The following BCAS3 variants were observed in gnomAD, a reference collection of about 807,000 sequenced individuals.
The protein encoded by BCAS3 is BCAS4/BCAS3 fusion.
A neutral mutation model predicts 116.1 loss-of-function variants in BCAS3; 53 were observed. The ratio of observed to expected loss-of-function variants is 0.46; its 90% CI spans 0.37 to 0.57. BCAS3 has a LOEUF of 0.57. BCAS3 is among the 20% of genes least tolerant of loss of function. The probability of loss-of-function intolerance (pLI) is 0.00; values close to 1 mark genes in which losing one functional copy is unlikely to be tolerated. For missense variants in BCAS3, 917 were observed against 1,165.4 expected (o/e 0.79, Z 3.10); for synonymous variants, 391 against 408.2 (o/e 0.96, Z 0.51).
chr17:60,837,732 C>A (rs1599051983), intron 7 of BCAS3, among the ~76,000 whole-genome samples: 1 of 150,538 alleles, frequency 6.6e-6, no homozygotes, highest in South Asian at 2.1e-4. Context: ...TGGCTCACTG[C>A]AACCTCTATC....
chr17:60,844,046 C>T (rs987541805), intron 7 of BCAS3, among the ~76,000 whole-genome samples: 11 of 152,142 alleles, frequency 7.2e-5, no homozygotes, highest in Admixed American at 3.3e-4. Context: ...CTCGGCTCAC[C>T]GCAACCTCTG....
intron 8 of BCAS3, among the ~76,000 whole-genome samples, chr17:60,872,734 T>C (rs2055243831): frequency 6.9e-6 from 1 of 144,790 alleles, no homozygotes; most frequent in African/African-American, 2.6e-5. Context: ...CACACATACC[T>C]CATATATATC....
chr17:60,799,855 T>C (rs1386141397), intron 6 of BCAS3, among the ~76,000 whole-genome samples: 1 of 151,678 alleles, frequency 6.6e-6, no homozygotes, highest in Non-Finnish European at 1.5e-5. Flanking sequence ...TGAGACACCG[T>C]GCCTGGCTGA....
In BCAS3 at chr17:61,309,437, G is replaced by A. The variant is rs1402071654; in HGVS notation, c.2426-58890G>A. 6.6e-6 allele frequency among the ~76,000 whole-genome samples: 1 copy of A among 152,080 alleles called. No individual in the cohort carries two copies. The highest frequency in any genetic ancestry group is 1.5e-5 in the Non-Finnish European group (1 of 68,022). On this transcript the variant is annotated intron_variant, in intron 22 of 23. Transcript: ENST00000407086. The surrounding 1 kb of genome is among the most constrained non-coding windows in gnomAD (Gnocchi z 4.6). ...TGCCATTCTGTAGAAGAGGAAGCAG[G>A]AAGCCACCGACAGGGGCATAACTGT...
chr17:61,159,937 C>A (rs1055870099), intron 22 of BCAS3, among the ~76,000 whole-genome samples: 5 of 151,208 alleles, frequency 3.3e-5, no homozygotes, highest in Non-Finnish European at 5.9e-5. Flanking sequence ...CAAGTTAATA[C>A]CTTTGAGAAT....
chr17:60,966,908 A>G (rs1440996050), intron 14 of BCAS3, among the ~76,000 whole-genome samples: 1 of 152,110 alleles, frequency 6.6e-6, no homozygotes, highest in African/African-American at 2.4e-5. Context: ...GCCCTCTAAA[A>G]GTGCTGGGAT....
Position 61,211,670 on chromosome 17 carries a change from T to TTAA in BCAS3, c.2425+127106_2425+127107insTAA, listed in dbSNP as rs398119934. Among the ~76,000 whole-genome samples the TTAA allele has an allele frequency of 2.3e-5, 2 of 86,648 alleles. No individual in the cohort carries two copies. Among genetic ancestry groups the TTAA allele is most frequent in the Non-Finnish European group, 3.0e-5 (1 of 33,610 alleles). The allele number at this position is 86,648 out of a possible 152,430, so 56.8% of individuals were successfully genotyped here. ...TGTTTGCATCCAGGTCATTTCTCCA[T>TTAA]AAAAAAAAAAAAAAAATGCCACTGA... On this transcript the variant is annotated intron_variant, in intron 22 of 23. Coordinates refer to ENST00000407086, the MANE Select transcript of BCAS3 (RefSeq NM_017679.5). The surrounding 1 kb of genome is among the most constrained non-coding windows in gnomAD (Gnocchi z 4.4).
intron 6 of BCAS3, among the ~76,000 whole-genome samples, chr17:60,758,464 C>T (rs2043201729): frequency 6.6e-6 from 1 of 152,032 alleles, no homozygotes; most frequent in Non-Finnish European, 1.5e-5. Context: ...TCACTGCAGC[C>T]TCCGCCTTCC....
chr17:60,947,168 A>C (rs748063472), intron 13 of BCAS3, 51 bp from the exon 14 acceptor site: 2 of 1,522,062 alleles, frequency 1.3e-6, no homozygotes, highest in South Asian at 2.4e-5. Context: ...AGAATATTTC[A>C]TCCACATACA....
rs1453382589 is a variant in BCAS3 at position 61,073,002 on chromosome 17, G to T, written c.2030-1918G>T. On this transcript the variant is annotated intron_variant, in intron 19 of 23. Transcript: ENST00000407086. This position sits in a 1 kb window ranked among gnomAD's most constrained non-coding sequence, Gnocchi z 4.6. The stretch of plus-strand genomic sequence containing the variant: ...AGTATTTAAGGGGTGGGAATTTCAA[G>T]GATCCTCTTGTTCTCTTCTGTATTA... Among the ~76,000 whole-genome samples, 1 of 152,092 alleles carries T rather than the reference G, an allele frequency of 6.6e-6. No homozygotes were observed. The highest frequency in any genetic ancestry group is 1.5e-5 in the Non-Finnish European group (1 of 68,024).
chr17:60,703,401 C>T (rs2036676558), intron 4 of BCAS3, among the ~76,000 whole-genome samples: 1 of 149,994 alleles, frequency 6.7e-6, no homozygotes, highest in Non-Finnish European at 1.5e-5. Flanking sequence ...CTAGTCTGGG[C>T]AACATGGCAA....
chr17:60,912,313 T>C (rs552587648), intron 12 of BCAS3, among the ~76,000 whole-genome samples: 1 of 152,256 alleles, frequency 6.6e-6, no homozygotes, highest in East Asian at 1.9e-4. Flanking sequence ...TTAGAAACTA[T>C]GTGAGCTGTT....
chr17:61,328,230 C>T (rs2055897433), intron 22 of BCAS3, among the ~76,000 whole-genome samples: 1 of 151,740 alleles, frequency 6.6e-6, no homozygotes, highest in Admixed American at 6.6e-5. Context: ...TAATATGATC[C>T]TATAGAGAAA....
chr17:61,349,618 T>C lies in BCAS3; in HGVS notation c.2426-18709T>C, dbSNP rs2057712281. Among the ~76,000 whole-genome samples the C allele has an allele frequency of 6.6e-6, 1 of 152,216 alleles. No homozygotes were observed. Among genetic ancestry groups the C allele is most frequent in the Non-Finnish European group, 1.5e-5 (1 of 68,030 alleles). On this transcript the variant is annotated intron_variant, in intron 22 of 23. Coordinates refer to ENST00000407086, the MANE Select transcript of BCAS3 (RefSeq NM_017679.5). This position sits in a 1 kb window ranked among gnomAD's most constrained non-coding sequence, Gnocchi z 4.7. Reference sequence around the variant, plus strand: ...ATGGACCTGACTGTAATCCAACATGTTTTTTAAAGCTAGCATATGTTTCAA... The same window carrying C: ...ATGGACCTGACTGTAATCCAACATGCTTTTTAAAGCTAGCATATGTTTCAA...
rs2051364842 is a variant in BCAS3 at position 61,282,945 on chromosome 17, T to G, written c.2426-85382T>G. 6.7e-6 allele frequency among the ~76,000 whole-genome samples: 1 copy of G among 149,992 alleles called. No individual in the cohort carries two copies. The highest frequency in any genetic ancestry group is 2.4e-5 in the African/African-American group (1 of 41,110). Reference sequence around the variant, plus strand: ...TTTCAATATATTTGTATATTATATATAATACATATTTTATATTTTTATATA... The same window carrying G: ...TTTCAATATATTTGTATATTATATAGAATACATATTTTATATTTTTATATA... On this transcript the variant is annotated intron_variant, in intron 22 of 23. Coordinates refer to ENST00000407086, the MANE Select transcript of BCAS3 (RefSeq NM_017679.5). The surrounding 1 kb of genome is among the most constrained non-coding windows in gnomAD (Gnocchi z 5.9).
At chr17:61,031,605 G>A (rs976732301) in intron 16 of BCAS3, among the ~76,000 whole-genome samples, 1 of 151,524 alleles carries the variant, frequency 6.6e-6, no homozygotes, top group Non-Finnish European at 1.5e-5. Context: ...TTTTTATTTT[G>A]CTGAAATACC....
rs1006469039 is a variant in BCAS3, at chr17:61,139,905, G to C, written c.2425+55341G>C. On this transcript the variant is annotated intron_variant, in intron 22 of 23. Coordinates refer to ENST00000407086, the MANE Select transcript of BCAS3 (RefSeq NM_017679.5). This position sits in a 1 kb window ranked among gnomAD's most constrained non-coding sequence, Gnocchi z 4.7. ...TTGAGGAATACGTGGAATTTTGGCAGGAGAAGATTGAGGAAAGGGATACCT... is the reference window on the plus strand; with the variant it reads ...TTGAGGAATACGTGGAATTTTGGCACGAGAAGATTGAGGAAAGGGATACCT... 2.0e-5 allele frequency among the ~76,000 whole-genome samples: 3 copies of C among 152,170 alleles called. No individual in the cohort carries two copies. Among genetic ancestry groups the C allele is most frequent in the Non-Finnish European group, 4.4e-5 (3 of 68,030 alleles).
At chr17:60,801,046 C>T (rs1463200907) in intron 6 of BCAS3, among the ~76,000 whole-genome samples, 1 of 151,946 alleles carries the variant, frequency 6.6e-6, no homozygotes, top group Non-Finnish European at 1.5e-5. Flanking sequence ...ATTCTAGCTC[C>T]CTTACCTTTC....
chr17:61,343,471 A>G lies in BCAS3; in HGVS notation c.2426-24856A>G, dbSNP rs935238817. Among the ~76,000 whole-genome samples the G allele has an allele frequency of 6.6e-6, 1 of 152,210 alleles. No individual in the cohort carries two copies. Among genetic ancestry groups the G allele is most frequent in the Admixed American group, 6.5e-5 (1 of 15,278 alleles). ...CACCTGATGAGCTTTTTAAAGATAC[A>G]GATGCCCAGGCCCCAAACTTTTGCC... On this transcript the variant is annotated intron_variant, in intron 22 of 23. Coordinates refer to ENST00000407086, the MANE Select transcript of BCAS3 (RefSeq NM_017679.5). This position sits in a 1 kb window ranked among gnomAD's most constrained non-coding sequence, Gnocchi z 5.5.
Sources: allele counts gnomAD v4.1 joint callset (sites outside exome capture counted in the v4.1 genomes callset), GRCh38; gene constraint gnomAD v4.1.1; non-coding constraint Gnocchi (gnomAD v3.1); transcripts MANE v1.5; gene names NCBI Gene and HGNC (gene_info 2026-07-23, HGNC 2026-07-21).